The following METTL8 variants were observed in gnomAD, a reference collection of about 807,000 sequenced individuals.
METTL8 encodes tRNA N(3)-cytidine methyltransferase METTL8, mitochondrial.
METTL8 carries 32 observed loss-of-function variants against 48.7 expected under a neutral mutation model. The ratio of observed to expected loss-of-function variants is 0.66; its 90% CI spans 0.50 to 0.88. The LOEUF (loss-of-function observed/expected upper bound fraction) is 0.88, where lower values mean the gene tolerates loss of function less well. METTL8 is among the 40% of genes least tolerant of loss of function. METTL8 has a pLI of 0.00. For missense variants in METTL8, 464 were observed against 474.4 expected, an observed-to-expected ratio of 0.98 and a Z score of 0.20; for synonymous variants, 136 against 157.1, an observed-to-expected ratio of 0.87 and a Z score of 1.01.
intron 3 of METTL8, 130 bp downstream of exon 3, chr2:171,360,292 G>T (rs2105472410): frequency 1.4e-6 from 1 of 694,184 alleles, no homozygotes; most frequent in Non-Finnish European, 2.4e-6. Flanking sequence ...TGGAAGAACT[G>T]GGAATTCTAC....
intron 7 of METTL8, chr2:171,326,377 A>G (rs1163365924): frequency 2.2e-6 from 1 of 456,712 alleles, no homozygotes; most frequent in East Asian, 3.7e-5. Flanking sequence ...AAATCACCCA[A>G]ATGATCAGAG....
At chr2:171,404,193 G>A (rs1040594988) in intron 1 of METTL8, among the ~76,000 whole-genome samples, 5 of 149,110 alleles carry the variant, frequency 3.4e-5, no homozygotes, top group African/African-American at 1.2e-4. Context: ...TGTGAATATA[G>A]TCTCTCCCTC....
At chr2:171,356,950 A>ATGTGTTTTTTTTTTTTTTT (rs1202277226) in intron 3 of METTL8, among the ~76,000 whole-genome samples, 2 of 4,746 alleles carry the variant, frequency 4.2e-4, no homozygotes, top group African/African-American at 5.9e-4. Context: ...TTCAAAGACA[A>ATGTGTTTTTTTTTTTTTTT]TATTTTTTTT....
chr2:171,342,514 T>A (rs553482187), intron 3 of METTL8, among the ~76,000 whole-genome samples: 1 of 152,266 alleles, frequency 6.6e-6, no homozygotes, highest in Admixed American at 6.5e-5. Context: ...ATATACTATG[T>A]AAGAAAACAA....
intron 3 of METTL8, among the ~76,000 whole-genome samples, chr2:171,356,925 G>C (rs1438660776): frequency 7.8e-6 from 1 of 128,422 alleles, no homozygotes; most frequent in Non-Finnish European, 1.6e-5. Flanking sequence ...AAAGGAAGAA[G>C]TCAAATTAGC....
intron 1 of METTL8, among the ~76,000 whole-genome samples, chr2:171,410,699 C>T (rs545635365): frequency 1.2e-4 from 19 of 152,180 alleles, no homozygotes; most frequent in Non-Finnish European, 2.1e-4. Flanking sequence ...AAACTCTTTG[C>T]TTTAGAAGAA....
chr2:171,381,885 G>A (rs1000739624), intron 2 of METTL8, among the ~76,000 whole-genome samples: 11 of 150,972 alleles, frequency 7.3e-5, no homozygotes, highest in South Asian at 2.1e-4. Flanking sequence ...GGGTTCAAGC[G>A]ATTCTCCTAC....
chr2:171,396,688 T>C (rs1689096384), intron 1 of METTL8, among the ~76,000 whole-genome samples: 1 of 152,110 alleles, frequency 6.6e-6, no homozygotes, highest in Non-Finnish European at 1.5e-5. Context: ...AAAGAACAAA[T>C]CTGAAGAGAA....
chr2:171,324,245 C>G lies in METTL8; in HGVS notation c.1151G>C (p.Gly384Ala). The change falls in exon 10 of 10, where the codon GGC becomes GCC. Residue 384 changes from glycine to alanine, a missense_variant. By Grantham distance (60) the Gly-to-Ala change is moderately conservative. Coordinates refer to ENST00000375258, the MANE Select transcript of METTL8 (RefSeq NM_001321154.2). ...CTGGTGCAATGGTTTCTGGAATTTG[C>G]CTTGAATCCACACTCGGTGCATTTT... Reference protein sequence around the residue: ...QVKMHRVWIQGKFQKPLHQTQ... With the variant: ...QVKMHRVWIQAKFQKPLHQTQ... The G allele has an allele frequency of 1.3e-6, 2 of 1,551,332 alleles. No homozygotes were observed. Among genetic ancestry groups the G allele is most frequent in the Non-Finnish European group, 1.7e-6 (2 of 1,146,950 alleles).
intron 3 of METTL8, among the ~76,000 whole-genome samples, chr2:171,346,518 A>G (rs1687279853): frequency 6.6e-6 from 1 of 152,226 alleles, no homozygotes; most frequent in African/African-American, 2.4e-5. Context: ...ACACACAGAG[A>G]CCAAAAGAAA....
chr2:171,431,660 T>C (rs1693035223), intron 1 of METTL8, among the ~76,000 whole-genome samples: 1 of 151,852 alleles, frequency 6.6e-6, no homozygotes, highest in African/African-American at 2.4e-5. Flanking sequence ...AAGAAGAGAG[T>C]AACACGGTAG....
chr2:171,373,415 T>C (rs1016033747), intron 2 of METTL8, among the ~76,000 whole-genome samples: 5 of 152,232 alleles, frequency 3.3e-5, no homozygotes, highest in African/African-American at 9.6e-5. Context: ...AAAAATTTTC[T>C]CCCATTCTGT....
intron 1 of METTL8, among the ~76,000 whole-genome samples, chr2:171,411,159 T>G (rs1690711869): frequency 6.6e-6 from 1 of 152,198 alleles, no homozygotes. Context: ...TTTTAATAAG[T>G]AGGAAGACAG....
At chr2:171,333,041 T>TCC (rs374467406) in intron 5 of METTL8, among the ~76,000 whole-genome samples, 53,951 of 151,664 alleles carry the variant, frequency 0.36, 10,335 homozygotes, top group African/African-American at 0.5. Context: ...TTTAGCTAAA[T>TCC]AAATATGCAT....
intron 3 of METTL8, among the ~76,000 whole-genome samples, chr2:171,353,650 A>T (rs1029383251): frequency 2.0e-5 from 3 of 152,150 alleles, no homozygotes; most frequent in Non-Finnish European, 4.4e-5. Context: ...GTGCTCCTGT[A>T]TTGGGTGCAT....
upstream of METTL8, chr2:171,434,445 G>A: frequency 6.8e-7 from 1 of 1,467,300 alleles, no homozygotes; most frequent in South Asian, 1.2e-5. Flanking sequence ...CCGCCTCCCC[G>A]TGTCAGCTTT....
In METTL8 at chr2:171,360,361, C is replaced by T. The variant is rs1022200871; in HGVS notation, c.235+61G>A. The T allele has an allele frequency of 1.1e-4, 149 of 1,398,902 alleles. 3 individuals are homozygous for T. The Admixed American group carries it at 1.8e-3, about 16-fold the overall frequency. The allele number at this position is 1,398,902 out of a possible 1,614,324, so 86.7% of individuals were successfully genotyped here. A position where few individuals can be genotyped will look rare whatever the true frequency, so the allele number is the denominator to read the frequency against. On this transcript the variant is annotated intron_variant, in intron 3 of 9. Coordinates refer to ENST00000375258, the MANE Select transcript of METTL8 (RefSeq NM_001321154.2). ...CTAAGAACTCTCAGAAGCAATGACA[C>T]GAGGAGGAGGAAAAGTCACTAAAGC...
At chr2:171,375,041 G>C in intron 2 of METTL8, 1 of 1,094,802 alleles carries the variant, frequency 9.1e-7, no homozygotes, top group Non-Finnish European at 1.4e-6. Flanking sequence ...ACTTTGCTGT[G>C]AATTGCACAA....
At chr2:171,336,634 A>G (rs1686144368) in intron 5 of METTL8, among the ~76,000 whole-genome samples, 3 of 151,880 alleles carry the variant, frequency 2.0e-5, no homozygotes, top group South Asian at 2.1e-4. Context: ...TTTGAGTCTT[A>G]GGATTAGTTG....
Sources: allele counts gnomAD v4.1 joint callset (sites outside exome capture counted in the v4.1 genomes callset), GRCh38; gene constraint gnomAD v4.1.1; transcripts MANE v1.5; gene names NCBI Gene and HGNC (gene_info 2026-07-23, HGNC 2026-07-21).